Variants in WSB2 observed in about 807,000 individuals in gnomAD.
The protein encoded by WSB2 is WD repeat and SOCS box-containing protein 2.
A neutral mutation model predicts 48.8 loss-of-function variants in WSB2; 12 were observed. The ratio of observed to expected loss-of-function variants is 0.25; its 90% CI spans 0.16 to 0.40. The LOEUF (loss-of-function observed/expected upper bound fraction) is 0.40, where lower values mean the gene tolerates loss of function less well. Ranked by LOEUF, WSB2 falls within the 10% of genes least tolerant of loss-of-function variation. The pLI, the probability that WSB2 is intolerant of heterozygous loss-of-function variation, is 1.00. For missense variants in WSB2, 317 were observed against 506.2 expected (o/e 0.63, Z 3.59); for synonymous variants, 191 against 203.1 (o/e 0.94, Z 0.51).
At position 118,060,878 on chromosome 12, in the gene WSB2, C is replaced by T. The variant is rs1375016981; in HGVS notation, c.13+158G>A. ...CAAAGCTGGTCGCCGGGCGCGCACC[C>T]CCGCCGGCCCCGCGCGGACCTCCCA... is the stretch of plus-strand genomic sequence containing the variant. On this transcript the variant is annotated intron_variant, in intron 1 of 8. Transcript: ENST00000315436. The surrounding 1 kb of genome is among the most constrained non-coding windows in gnomAD (Gnocchi z 4.1). 6.6e-6 allele frequency among the ~76,000 whole-genome samples: 1 copy of T among 150,514 alleles called. No individual in the cohort carries two copies. The highest frequency in any genetic ancestry group is 2.4e-5 in the African/African-American group (1 of 41,258).
At chr12:118,034,600 G>A in intron 8 of WSB2, 1 of 435,980 alleles carries the variant, frequency 2.3e-6, no homozygotes, top group East Asian at 3.7e-5. Flanking sequence ...TCTCGGCACA[G>A]CCCTTTCTAA....
chr12:118,040,654 CA>C (rs781738117), intron 4 of WSB2, among the ~76,000 whole-genome samples: 5,835 of 119,834 alleles, frequency 0.049, 326 homozygotes, highest in African/African-American at 0.16. Context: ...GGCTCTGTCT[CA>C]AAAAAAAAAA....
chr12:118,056,516 C>T (rs1353395730), intron 1 of WSB2, among the ~76,000 whole-genome samples: 1 of 152,154 alleles, frequency 6.6e-6, no homozygotes, highest in East Asian at 1.9e-4. Context: ...TATATTTATC[C>T]CCAGAGCTGG....
At chr12:118,039,415 G>A (rs2031581296) in intron 4 of WSB2, among the ~76,000 whole-genome samples, 1 of 152,214 alleles carries the variant, frequency 6.6e-6, no homozygotes, top group African/African-American at 2.4e-5. Context: ...AATGAAAAAT[G>A]CGAGATGCAG....
intron 5 of WSB2, 131 bp downstream of exon 5, chr12:118,038,157 G>T: frequency 1.3e-6 from 1 of 742,984 alleles, no homozygotes; most frequent in Non-Finnish European, 2.1e-6. Flanking sequence ...TGCAGGTGGT[G>T]GCCATGGCCC....
intron 1 of WSB2, among the ~76,000 whole-genome samples, chr12:118,055,796 G>A (rs753089842): frequency 6.6e-6 from 1 of 151,308 alleles, no homozygotes; most frequent in Admixed American, 6.6e-5. Flanking sequence ...TGTATTTTTA[G>A]TAGAGACAGG....
At chr12:118,044,594 A>G (rs2137780315) in intron 2 of WSB2, among the ~76,000 whole-genome samples, 1 of 152,340 alleles carries the variant, frequency 6.6e-6, no homozygotes, top group South Asian at 2.1e-4. Context: ...ACGAATTCAC[A>G]GGGCTGTGTA....
chr12:118,035,364 G>A, intron 6 of WSB2, 40 bp from the exon 7 acceptor site: 1 of 1,577,544 alleles, frequency 6.3e-7, no homozygotes, highest in Non-Finnish European at 8.7e-7. Flanking sequence ...CTGGAGTGAT[G>A]GCTGCTCTCC....
intron 2 of WSB2, among the ~76,000 whole-genome samples, chr12:118,051,835 G>A (rs919008656): frequency 3.3e-5 from 5 of 152,160 alleles, no homozygotes; most frequent in African/African-American, 7.2e-5. Context: ...TTAGCCAGGC[G>A]TGGTGGTGTG....
upstream of WSB2, chr12:118,062,034 G>T (rs2032081073): frequency 2.0e-6 from 3 of 1,472,506 alleles, no homozygotes. Context: ...AAACCGGAGT[G>T]GGGGTGGGAA....
chr12:118,053,168 C>A (rs1026857413), intron 1 of WSB2, among the ~76,000 whole-genome samples: 6 of 152,090 alleles, frequency 3.9e-5, no homozygotes, highest in African/African-American at 1.4e-4. Context: ...AGAAAGCTCC[C>A]GCCTGCCTAC....
chr12:118,046,761 ATTTGT>A (rs2031755231), intron 2 of WSB2, among the ~76,000 whole-genome samples: 1 of 151,994 alleles, frequency 6.6e-6, no homozygotes, highest in Non-Finnish European at 1.5e-5. Context: ...TGATTTCTGT[ATTTGT>A]TTTATTTATT....
chr12:118,046,400 T>C (rs185891569), intron 2 of WSB2, among the ~76,000 whole-genome samples: 68 of 150,922 alleles, frequency 4.5e-4, no homozygotes, highest in Non-Finnish European at 5.7e-4. Flanking sequence ...GAGGCAGAGG[T>C]TGCAGTGAAC....
At chr12:118,035,925 G>T (rs944730698) in intron 6 of WSB2, 24 of 166,098 alleles carry the variant, frequency 1.4e-4, no homozygotes, top group Non-Finnish European at 2.8e-4. Context: ...AATGAACCAG[G>T]CCAGGCGCAG....
chr12:118,048,400 C>T (rs1312829329), intron 2 of WSB2, among the ~76,000 whole-genome samples: 1 of 151,858 alleles, frequency 6.6e-6, no homozygotes, highest in East Asian at 2.0e-4. Flanking sequence ...CTGGCCTGGG[C>T]AACATGGTGA....
rs1389948772 is a variant in WSB2, at chr12:118,036,351, G to A, written c.820C>T (p.Leu274=). Reference sequence around the variant, plus strand: ...TTCAGTCCTTACTGGAGTGACCTCAGCCTTTCGCCGGTGTAGGGGTCCCAC... The same window carrying A: ...TTCAGTCCTTACTGGAGTGACCTCAACCTTTCGCCGGTGTAGGGGTCCCAC... ...IMWDPYTGER[L]RSLHHTQVDP... Residue 274 remains leucine (L), a synonymous_variant, in exon 6 of 9, where the codon CTG becomes TTG. Transcript: ENST00000315436. 3.1e-6 allele frequency: 5 copies of A among 1,613,948 alleles called. No homozygotes were observed. Among genetic ancestry groups the A allele is most frequent in the Non-Finnish European group, 4.2e-6 (5 of 1,179,980 alleles).
intron 2 of WSB2, among the ~76,000 whole-genome samples, chr12:118,051,716 G>A (rs2031855924): frequency 6.6e-6 from 1 of 152,252 alleles, no homozygotes; most frequent in South Asian, 2.1e-4. Context: ...GGAGAAATGT[G>A]TAATCCCAGC....
intron 1 of WSB2, among the ~76,000 whole-genome samples, chr12:118,056,697 T>C (rs2137799541): frequency 6.6e-6 from 1 of 152,212 alleles, no homozygotes; most frequent in South Asian, 2.1e-4. Context: ...GGCCAGGAGT[T>C]CAAGACCAGC....
chr12:118,061,128 C>G lies in WSB2; in HGVS notation c.-80G>C. The stretch of plus-strand genomic sequence containing the variant: ...GCGGGCCCTCATGCCGCCCCCGCGC[C>G]GCCCGCCCCGGCCAGGCCGCCGCCG... On this transcript the variant is annotated 5_prime_UTR_variant, in exon 1 of 9. Coordinates refer to ENST00000315436, the MANE Select transcript of WSB2 (RefSeq NM_018639.5). 3.1e-6 allele frequency: 3 copies of G among 980,870 alleles called. No homozygotes were observed. Among genetic ancestry groups the G allele is most frequent in the Non-Finnish European group, 3.6e-6 (3 of 828,078 alleles). The allele number at this position is 980,870 out of a possible 1,614,324, so 60.8% of individuals were successfully genotyped here.
Sources: gnomAD v4.1 joint callset for allele counts (sites outside exome capture counted in the v4.1 genomes callset) on GRCh38, gnomAD v4.1.1 for gene constraint, Gnocchi (gnomAD v3.1) non-coding constraint, MANE v1.5 for transcripts, NCBI Gene and HGNC (gene_info 2026-07-23, HGNC 2026-07-21) for gene names.